TRPM7: variants seen among roughly 807,000 people sequenced by gnomAD.
TRPM7 encodes transient receptor potential cation channel subfamily M member 7, also known as LTRPC ion channel family member 7.
In TRPM7, 134 loss-of-function variants were observed where a neutral mutation model predicts 229.7. The ratio of observed to expected loss-of-function variants is 0.58; its 90% CI spans 0.51 to 0.67. TRPM7 has a LOEUF of 0.67. TRPM7 is among the 30% of genes least tolerant of loss of function. The pLI, the probability that TRPM7 is intolerant of heterozygous loss-of-function variation, is 0.00. For synonymous variants in TRPM7, 699 were observed against 715.2 expected, an observed-to-expected ratio of 0.98 and a Z score of 0.36; for missense variants, 1,901 against 2,210.0, an observed-to-expected ratio of 0.86 and a Z score of 2.80.
At chr15:50,676,838 A>G (rs1309962391) in intron 1 of TRPM7, among the ~76,000 whole-genome samples, 1 of 152,158 alleles carries the variant, frequency 6.6e-6, no homozygotes. Flanking sequence ...AGTTTCCGCA[A>G]GAGTTGAGAA....
At chr15:50,683,750 A>C (rs550453651) in intron 1 of TRPM7, among the ~76,000 whole-genome samples, 10 of 152,258 alleles carry the variant, frequency 6.6e-5, no homozygotes, top group East Asian at 1.9e-4. Context: ...ACAACAACAA[A>C]AAAAACAAGT....
chr15:50,627,136 T>A (rs1019489393), intron 11 of TRPM7, among the ~76,000 whole-genome samples: 2 of 152,164 alleles, frequency 1.3e-5, no homozygotes, highest in Non-Finnish European at 2.9e-5. Context: ...AAACTTTAAG[T>A]GATTACTACC....
At chr15:50,680,530 C>T (rs2062217817) in intron 1 of TRPM7, among the ~76,000 whole-genome samples, 1 of 151,116 alleles carries the variant, frequency 6.6e-6, no homozygotes, top group Non-Finnish European at 1.5e-5. Flanking sequence ...GATCGCACCA[C>T]TGAACTCTAG....
chr15:50,593,076 G>A (rs1024539471), intron 25 of TRPM7, among the ~76,000 whole-genome samples: 23 of 152,200 alleles, frequency 1.5e-4, no homozygotes, highest in African/African-American at 5.3e-4. Flanking sequence ...AGATCACGAG[G>A]TCAGGAGTTC....
rs28579614 is a variant in TRPM7, at chr15:50,634,412, G to A, written c.977C>T (p.Ala326Val). Residue 326 changes from alanine (A) to valine (V), a missense_variant, in exon 8 of 39, where the codon GCG becomes GTG. Transcript: ENST00000646667. ...EGTGRAADLL[A>V]YIHKQTEEGG... is the part of the protein sequence containing the mutation. ...TTCTTCTGTTTGTTTATGAATATAC[G>A]CTAGCAGATCTGCAGCTCTGCCTGT... The A allele has an allele frequency of 6.3e-6, 10 of 1,582,480 alleles. No individual in the cohort carries two copies. The highest frequency in any genetic ancestry group is 4.3e-6 in the Non-Finnish European group (5 of 1,167,150).
At chr15:50,597,300 C>A (rs564517334) in intron 22 of TRPM7, among the ~76,000 whole-genome samples, 1 of 151,946 alleles carries the variant, frequency 6.6e-6, no homozygotes, top group African/African-American at 2.4e-5. Context: ...TTAGGCAGGG[C>A]GAGGATTAGA....
At chr15:50,619,385 T>C (rs1824489199) in intron 13 of TRPM7, among the ~76,000 whole-genome samples, 1 of 151,838 alleles carries the variant, frequency 6.6e-6, no homozygotes, top group Non-Finnish European at 1.5e-5. Flanking sequence ...CATGCCCAGG[T>C]AATTTTTTTA....
chr15:50,607,925 C>T (rs1304145642), intron 19 of TRPM7, among the ~76,000 whole-genome samples: 4 of 148,396 alleles, frequency 2.7e-5, no homozygotes, highest in African/African-American at 9.9e-5. Context: ...CGTGGTGGTG[C>T]ATGCCTGCAA....
At chr15:50,657,732 G>C in intron 3 of TRPM7, 49 bp downstream of exon 3, 1 of 1,535,888 alleles carries the variant, frequency 6.5e-7, no homozygotes, top group Non-Finnish European at 9.0e-7. Flanking sequence ...TAATAGATTA[G>C]TTTTATTTAT....
At chr15:50,680,105 G>A (rs1596355534) in intron 1 of TRPM7, among the ~76,000 whole-genome samples, 4 of 152,040 alleles carry the variant, frequency 2.6e-5, no homozygotes, top group African/African-American at 9.6e-5. Flanking sequence ...ATGGTGGCGG[G>A]TGCCTGTAAT....
intron 11 of TRPM7, among the ~76,000 whole-genome samples, chr15:50,625,269 T>C (rs1043704061): frequency 2.0e-5 from 3 of 152,220 alleles, no homozygotes; most frequent in Non-Finnish European, 4.4e-5. Flanking sequence ...CTGGTTTTTT[T>C]ACCCATTATT....
chr15:50,578,657 C>T lies in TRPM7; in HGVS notation c.4600G>A (p.Glu1534Lys), dbSNP rs2054253602. The T allele has an allele frequency of 1.9e-6, 3 of 1,608,706 alleles. No individual in the cohort carries two copies. The highest frequency in any genetic ancestry group is 1.7e-5 in the Admixed American group (1 of 59,878). The change falls in exon 31 of 39, where the codon GAA (glutamate) becomes AAA (lysine). Residue 1534 changes from glutamate to lysine, a missense_variant. Glu to Lys is a moderately conservative substitution (Grantham distance 56). This residue lies in a region of TRPM7 where 533 missense variants were observed against 497.1 expected (regional missense o/e 1.07). Transcript: ENST00000646667. ...GACTCACCATTTAATGTTCCTTCTT[C>T]AGATGGCCTAAAGAAACACCAAAAA... is the stretch of plus-strand genomic sequence containing the variant. ...DRPSNREMPS[E>K]EGTLNGLTSP...
intron 38 of TRPM7, among the ~76,000 whole-genome samples, chr15:50,568,110 T>TC (rs2053694190): frequency 4.2e-5 from 1 of 24,028 alleles, no homozygotes; most frequent in Non-Finnish European, 7.8e-5. Context: ...AGACTCTGTC[T>TC]CAAAAAAAAA....
rs559676044 is a variant in TRPM7 at position 50,662,957 on chromosome 15, G to C, written c.83+10C>G. The C allele has an allele frequency of 1.9e-6, 3 of 1,601,174 alleles. No individual in the cohort carries two copies. Among genetic ancestry groups the C allele is most frequent in the Non-Finnish European group, 2.6e-6 (3 of 1,171,330 alleles). ...CTAGAAGACCCCAGAAGTAACAAAG[G>C]TGTGCTTACCTGTGAGGGTCCTTGG... On this transcript the variant is annotated intron_variant, in intron 2 of 38. Coordinates refer to ENST00000646667, the MANE Select transcript of TRPM7 (RefSeq NM_017672.6).
intron 1 of TRPM7, among the ~76,000 whole-genome samples, chr15:50,674,414 G>T (rs1386433632): frequency 6.6e-6 from 1 of 152,210 alleles, no homozygotes; most frequent in South Asian, 2.1e-4. Flanking sequence ...TTACAGGGGT[G>T]AGCCGTGGCA....
In TRPM7 at chr15:50,583,166, G is replaced by C; in HGVS notation, c.4487-7C>G. ...CTTCTACTGATTTTTTCTGCTAAAA[G>C]AAAATTAAAAAATATAAAAAAGCTA... On this transcript the variant is annotated splice_region_variant and splice_polypyrimidine_tract_variant and intron_variant, in intron 28 of 38. Coordinates refer to ENST00000646667, the MANE Select transcript of TRPM7 (RefSeq NM_017672.6). 6.3e-7 allele frequency: 1 copy of C among 1,590,438 alleles called. No individual in the cohort carries two copies. Among genetic ancestry groups the C allele is most frequent in the Non-Finnish European group, 8.5e-7 (1 of 1,169,848 alleles).
intron 20 of TRPM7, among the ~76,000 whole-genome samples, chr15:50,606,577 C>A (rs1210412242): frequency 1.3e-5 from 2 of 152,078 alleles, no homozygotes; most frequent in Non-Finnish European, 2.9e-5. Context: ...CAGTTCACTG[C>A]AACCTCTGCC....
intron 12 of TRPM7, among the ~76,000 whole-genome samples, chr15:50,620,799 G>C (rs1234457734): frequency 6.6e-6 from 1 of 152,128 alleles, no homozygotes; most frequent in Non-Finnish European, 1.5e-5. Context: ...GGGTGTGGTG[G>C]CACATGCCTT....
At chr15:50,648,993 TTTTATATAAGTATA>T in intron 3 of TRPM7, 108 bp from the exon 4 acceptor site, 1 of 738,978 alleles carries the variant, frequency 1.4e-6, no homozygotes, top group Non-Finnish European at 2.0e-6. Context: ...AATTTTTATA[TTTTATATAAGTATA>T]AAAATAAGCT....
Sources: gnomAD v4.1 joint callset for allele counts (sites outside exome capture counted in the v4.1 genomes callset) on GRCh38, gnomAD v4.1.1 for gene constraint, gnomAD v4.1.1 regional missense constraint, MANE v1.5 for transcripts, NCBI Gene and HGNC (gene_info 2026-07-23, HGNC 2026-07-21) for gene names.